The following TXNDC11 variants were observed in gnomAD, a reference collection of about 807,000 sequenced individuals.
The protein encoded by TXNDC11 is thioredoxin domain-containing protein 11.
In TXNDC11, 68 loss-of-function variants were observed where a neutral mutation model predicts 78.0. The ratio of observed to expected loss-of-function variants is 0.87; its 90% CI spans 0.72 to 1.07. The LOEUF (loss-of-function observed/expected upper bound fraction) is 1.07. TXNDC11 is among the 50% of genes least tolerant of loss of function. TXNDC11 has a pLI of 0.00. For missense variants in TXNDC11, 1,389 were observed against 1,221.8 expected, an observed-to-expected ratio of 1.14 and a Z score of -2.04; for synonymous variants, 571 against 495.2, an observed-to-expected ratio of 1.15 and a Z score of -2.03.
intron 7 of TXNDC11, among the ~76,000 whole-genome samples, chr16:11,696,000 T>C (rs2142004865): frequency 6.7e-6 from 1 of 148,860 alleles, no homozygotes; most frequent in Middle Eastern, 3.4e-3. Context: ...TACTCCAACC[T>C]GGGCAACAAA....
intron 4 of TXNDC11, among the ~76,000 whole-genome samples, chr16:11,725,222 A>G (rs2051841167): frequency 6.6e-6 from 1 of 152,200 alleles, no homozygotes; most frequent in Non-Finnish European, 1.5e-5. Context: ...TATTGTGACT[A>G]TCATACACAA....
chr16:11,703,573 A>G, intron 5 of TXNDC11: 1 of 637,742 alleles, frequency 1.6e-6, no homozygotes, highest in Admixed American at 2.3e-5. Flanking sequence ...GGATAGAGAA[A>G]TACAGATATA....
chr16:11,739,362 A>C (rs1362398686), intron 1 of TXNDC11, among the ~76,000 whole-genome samples: 1 of 152,180 alleles, frequency 6.6e-6, no homozygotes, highest in African/African-American at 2.4e-5. Context: ...GTTGGTTGCA[A>C]ATAAGAAGGC....
At position 11,701,854 on chromosome 16, in the gene TXNDC11, G is replaced by A. The variant is rs370038640; in HGVS notation, c.794-1290C>T. 3.9e-4 allele frequency among the ~76,000 whole-genome samples: 60 copies of A among 152,190 alleles called. No homozygotes were observed. The East Asian group carries it at 4.2e-3, about 11-fold the overall frequency. On this transcript the variant is annotated intron_variant, in intron 5 of 11. Coordinates refer to ENST00000283033, the MANE Select transcript of TXNDC11 (RefSeq NM_015914.7). ...CACTCAGGAAAGCAGCTGCTGTACC[G>A]ACTACAAGAATGGACACAGCTGGGA...
intron 5 of TXNDC11, among the ~76,000 whole-genome samples, chr16:11,712,962 A>G (rs2051407002): frequency 6.6e-6 from 1 of 151,404 alleles, no homozygotes; most frequent in African/African-American, 2.4e-5. Flanking sequence ...ACACACAGAA[A>G]TCAGTTGGGC....
chr16:11,687,775 C>T (rs2050604291), intron 10 of TXNDC11, 82 bp downstream of exon 10: 1 of 943,028 alleles, frequency 1.1e-6, no homozygotes, highest in Admixed American at 2.0e-5. Flanking sequence ...ATGGGCAGAC[C>T]CTCACACACC....
Position 11,691,422 on chromosome 16 carries a change from A to C in TXNDC11, c.1768T>G (p.Phe590Val), listed in dbSNP as rs955198023. The change falls in exon 8 of 12, where the codon TTT becomes GTT. Residue 590 changes from phenylalanine to valine, a missense_variant. Transcript: ENST00000283033. ...CCCAGTCTCTCTGCATATAACCAAA[A>C]CAAATTTGAATCCAAAAGGTAGATG... Reference protein sequence around the residue: ...LNIYLLDSNLFWLYAERLGAP... With the variant: ...LNIYLLDSNLVWLYAERLGAP... The C allele has an allele frequency of 1.7e-5, 28 of 1,614,082 alleles. No individual in the cohort carries two copies. The highest frequency in any genetic ancestry group is 2.4e-5 in the Non-Finnish European group (28 of 1,180,038).
At chr16:11,742,412 G>A in intron 1 of TXNDC11, 65 bp downstream of exon 1, 2 of 1,275,676 alleles carry the variant, frequency 1.6e-6, no homozygotes, top group Non-Finnish European at 1.0e-6. Flanking sequence ...ACCCGGCCCT[G>A]CAGGCTCCAG....
At chr16:11,712,008 C>T (rs1267423189) in intron 5 of TXNDC11, among the ~76,000 whole-genome samples, 2 of 152,108 alleles carry the variant, frequency 1.3e-5, no homozygotes, top group African/African-American at 4.8e-5. Flanking sequence ...AAGTTTGTGA[C>T]TTTATTATGT....
Position 11,734,116 on chromosome 16 carries a change from T to C in TXNDC11, c.472-37A>G, listed in dbSNP as rs112073025. On this transcript the variant is annotated intron_variant, in intron 2 of 11. Transcript: ENST00000283033. ...AAAAAGGTTTTCAAATGACTATGAA[T>C]AACAACTGAAAAGTTACCAAGATTT... 1,433 of 1,331,290 alleles carry C rather than the reference T, an allele frequency of 1.1e-3. 17 individuals carry two copies. In the African/African-American group the frequency reaches 0.019, roughly 18 times the overall value. 82.5% of individuals were successfully genotyped at this position (1,331,290 alleles called of 1,614,324 possible). A position where few individuals can be genotyped will look rare whatever the true frequency, so the allele number is the denominator to read the frequency against.
At chr16:11,693,455 C>T (rs1031831029) in intron 7 of TXNDC11, among the ~76,000 whole-genome samples, 11 of 151,932 alleles carry the variant, frequency 7.2e-5, no homozygotes, top group South Asian at 6.2e-4. Context: ...GATTTTGTTT[C>T]GCTGTGTGTG....
chr16:11,726,948 G>A (rs1460208102), intron 4 of TXNDC11, among the ~76,000 whole-genome samples: 1 of 152,140 alleles, frequency 6.6e-6, no homozygotes, highest in African/African-American at 2.4e-5. Context: ...AGCTACTGAG[G>A]AGGCTGAGGC....
intron 5 of TXNDC11, among the ~76,000 whole-genome samples, chr16:11,705,714 T>C (rs2051161665): frequency 5.9e-5 from 9 of 152,234 alleles, no homozygotes; most frequent in Admixed American, 5.9e-4. Context: ...CAAAACTTTA[T>C]TTTTCACACA....
intron 5 of TXNDC11, among the ~76,000 whole-genome samples, chr16:11,717,900 G>A (rs879643443): frequency 6.6e-6 from 1 of 151,944 alleles, no homozygotes; most frequent in Non-Finnish European, 1.5e-5. Context: ...TTAACAGGTG[G>A]ACCAAGGTAA....
Position 11,679,574 on chromosome 16 carries a change from C to T in TXNDC11, c.2498G>A (p.Arg833Lys), listed in dbSNP as rs752307159. The change falls in exon 12 of 12, where the codon AGA becomes AAA. Residue 833 changes from arginine (R) to lysine (K), a missense_variant. By Grantham distance (26) the Arg-to-Lys change is conservative. Transcript: ENST00000283033. The surrounding 1 kb of genome is among the most constrained non-coding windows in gnomAD (Gnocchi z 4.6). ...QVESQLSSAR[R>K]DEHRLRQQQR... ...CTGCTGCCGCAGCCGGTGCTCATCTCTGCGGGCACTGGAGAGCTGGGACTC... is the reference window on the plus strand; with the variant it reads ...CTGCTGCCGCAGCCGGTGCTCATCTTTGCGGGCACTGGAGAGCTGGGACTC... 1.3e-5 allele frequency: 21 copies of T among 1,613,948 alleles called. No individual in the cohort carries two copies. The highest frequency in any genetic ancestry group is 9.9e-5 in the South Asian group (9 of 91,082).
At chr16:11,717,868 A>G (rs1354510243) in intron 5 of TXNDC11, among the ~76,000 whole-genome samples, 2 of 151,966 alleles carry the variant, frequency 1.3e-5, no homozygotes, top group Non-Finnish European at 2.9e-5. Context: ...AAATATGCAC[A>G]AGAGTTCCTG....
At chr16:11,734,270 T>C (rs1038214265) in intron 2 of TXNDC11, among the ~76,000 whole-genome samples, 191 bp from the exon 3 acceptor site, 1 of 152,236 alleles carries the variant, frequency 6.6e-6, no homozygotes, top group Admixed American at 6.5e-5. Context: ...CTCTTATCTA[T>C]GATGTCCAGG....
chr16:11,711,716 T>C lies in TXNDC11; in HGVS notation c.793+9861A>G, dbSNP rs78502577. The stretch of plus-strand genomic sequence containing the variant: ...TATATAACCTATTCGCAGGTTCTAC[T>C]GAGTAAGAAGCGGAGCTTTTTAAGG... On this transcript the variant is annotated intron_variant, in intron 5 of 11. Coordinates refer to ENST00000283033, the MANE Select transcript of TXNDC11 (RefSeq NM_015914.7). Among the ~76,000 whole-genome samples, 569 of 152,332 alleles carry C rather than the reference T, an allele frequency of 3.7e-3. 18 individuals carry two copies. The East Asian group carries it at 0.078, about 21-fold the overall frequency.
In TXNDC11 at chr16:11,734,014, A is replaced by C. The variant is rs776945897; in HGVS notation, c.537T>G (p.Phe179Leu). Residue 179 changes from phenylalanine (F) to leucine (L), a missense_variant, in exon 3 of 12, where the codon TTT becomes TTG. Transcript: ENST00000283033. ...QGKCRKQKHF[F>L]YFPVIYLYHR... ...GATACAGATATATTACAGGAAAATA[A>C]AAGAAGTGTTTCTGTTTTCTGCATT... is the stretch of plus-strand genomic sequence containing the variant. The C allele has an allele frequency of 1.9e-6, 3 of 1,608,128 alleles. No homozygotes were observed. Among genetic ancestry groups the C allele is most frequent in the Admixed American group, 1.7e-5 (1 of 58,352 alleles).
Sources: allele counts gnomAD v4.1 joint callset (sites outside exome capture counted in the v4.1 genomes callset), GRCh38; gene constraint gnomAD v4.1.1; non-coding constraint Gnocchi (gnomAD v3.1); transcripts MANE v1.5; gene names NCBI Gene and HGNC (gene_info 2026-07-23, HGNC 2026-07-21).